MINDY4: variants seen among roughly 807,000 people sequenced by gnomAD.
MINDY4 encodes MINDY lysine 48 deubiquitinase 4.
In MINDY4, 68 loss-of-function variants were observed where a neutral mutation model predicts 87.0. The ratio of observed to expected loss-of-function variants is 0.78; its 90% CI spans 0.64 to 0.96. The LOEUF (loss-of-function observed/expected upper bound fraction) is 0.96. Ranked by LOEUF, MINDY4 falls within the 40% of genes least tolerant of loss-of-function variation. The pLI is 0.00. For missense variants in MINDY4, 919 were observed against 928.2 expected (o/e 0.99, Z 0.13); for synonymous variants, 379 against 363.2 (o/e 1.04, Z -0.50).
At chr7:30,841,253 G>T (rs1040551289) in intron 9 of MINDY4, among the ~76,000 whole-genome samples, 1 of 152,090 alleles carries the variant, frequency 6.6e-6, no homozygotes, top group African/African-American at 2.4e-5. Context: ...ATTCCAGGCC[G>T]CCCCACAGAT....
chr7:30,782,024 C>G lies in MINDY4; in HGVS notation c.231C>G (p.Tyr77Ter). 2 of 1,614,086 alleles carry G rather than the reference C, an allele frequency of 1.2e-6. No homozygotes were observed. Among genetic ancestry groups the G allele is most frequent in the Non-Finnish European group, 1.7e-6 (2 of 1,180,006 alleles). The change falls in exon 3 of 18, where the codon TAC (tyrosine) becomes TAG (stop). Residue 77 changes from tyrosine to a stop codon, truncating the protein, a stop_gained. Transcript: ENST00000265299. LOFTEE classifies it high-confidence loss of function. ...LKTSLELITR[Y>*]FLDHFGNTAN... Reference sequence around the variant, plus strand: ...CAAGCCTTGAACTCATCACCAGATACTTTCTGGATCACTTTGGAAATACGG... The same window carrying G: ...CAAGCCTTGAACTCATCACCAGATAGTTTCTGGATCACTTTGGAAATACGG...
intron 13 of MINDY4, among the ~76,000 whole-genome samples, chr7:30,864,317 T>C (rs1789862539): frequency 6.6e-6 from 1 of 152,236 alleles, no homozygotes; most frequent in Admixed American, 6.5e-5. Context: ...AATAGTTGAT[T>C]CCTTTGTGCA....
At chr7:30,775,281 AG>A (rs1180214824) in intron 1 of MINDY4, among the ~76,000 whole-genome samples, 3 of 152,166 alleles carry the variant, frequency 2.0e-5, no homozygotes, top group African/African-American at 7.2e-5. Context: ...CTATAAATTG[AG>A]GGTTCCCACA....
At chr7:30,811,861 T>A (rs1584265292) in intron 5 of MINDY4, among the ~76,000 whole-genome samples, 1 of 152,292 alleles carries the variant, frequency 6.6e-6, no homozygotes, top group East Asian at 1.9e-4. Flanking sequence ...GGACAGGAAT[T>A]GCTCACTTGG....
chr7:30,877,948 A>T (rs372834606), intron 15 of MINDY4, among the ~76,000 whole-genome samples: 42 of 144,100 alleles, frequency 2.9e-4, no homozygotes, highest in African/African-American at 9.7e-4. Flanking sequence ...ACAAAGTGCT[A>T]GGGTTACAGG....
At chr7:30,890,735 C>T (rs1032264023) in intron 17 of MINDY4, among the ~76,000 whole-genome samples, 3 of 151,986 alleles carry the variant, frequency 2.0e-5, no homozygotes. Flanking sequence ...GACAAAGAGC[C>T]GAAGCCTAGG....
chr7:30,802,377 A>C (rs1349165799), intron 5 of MINDY4, among the ~76,000 whole-genome samples: 1 of 151,744 alleles, frequency 6.6e-6, no homozygotes, highest in African/African-American at 2.4e-5. Flanking sequence ...TGATTATCTC[A>C]CCCTAATCCT....
At chr7:30,884,175 C>G (rs527300606) in intron 17 of MINDY4, among the ~76,000 whole-genome samples, 1 of 152,242 alleles carries the variant, frequency 6.6e-6, no homozygotes, top group South Asian at 2.1e-4. Flanking sequence ...TGATGCCCAC[C>G]ACAGGAAAGC....
intron 1 of MINDY4, among the ~76,000 whole-genome samples, chr7:30,774,449 A>G (rs1419191651): frequency 3.3e-5 from 5 of 152,076 alleles, no homozygotes; most frequent in African/African-American, 7.3e-5. Flanking sequence ...CTATCAGCAC[A>G]TGTTGTGCTC....
chr7:30,891,008 T>G (rs943381009), intron 17 of MINDY4, among the ~76,000 whole-genome samples: 1 of 152,130 alleles, frequency 6.6e-6, no homozygotes, highest in Non-Finnish European at 1.5e-5. Context: ...GGCAGTTAGA[T>G]TTTCTTCAGA....
At chr7:30,870,460 T>C (rs896577932) in intron 13 of MINDY4, among the ~76,000 whole-genome samples, 2 of 152,248 alleles carry the variant, frequency 1.3e-5, no homozygotes, top group Non-Finnish European at 2.9e-5. Flanking sequence ...CCAGGCCTGC[T>C]GGGCTGTCTG....
Position 30,892,279 on chromosome 7 carries a change from C to A in MINDY4, c.*274C>A. 1 of 460,658 alleles carries A rather than the reference C, an allele frequency of 2.2e-6. No homozygotes were observed. The highest frequency in any genetic ancestry group is 3.9e-6 in the Non-Finnish European group (1 of 257,320). 28.5% of individuals were successfully genotyped at this position (460,658 alleles called of 1,614,324 possible). On this transcript the variant is annotated 3_prime_UTR_variant, in exon 18 of 18. Coordinates refer to ENST00000265299, the MANE Select transcript of MINDY4 (RefSeq NM_032222.3). Reference sequence around the variant, plus strand: ...GGTCTCTGCTACCTTTGTCTGCATCCCTCCCTTGCTCCCTGCTGGGTGGTC... The same window carrying A: ...GGTCTCTGCTACCTTTGTCTGCATCACTCCCTTGCTCCCTGCTGGGTGGTC...
At chr7:30,861,300 C>T (rs539181723) in intron 13 of MINDY4, among the ~76,000 whole-genome samples, 5 of 152,350 alleles carry the variant, frequency 3.3e-5, no homozygotes, top group African/African-American at 1.2e-4. Context: ...GTAAGGATAG[C>T]GTCTGTGAAG....
chr7:30,854,509 G>A (rs1406017198), intron 12 of MINDY4, among the ~76,000 whole-genome samples: 2 of 151,792 alleles, frequency 1.3e-5, no homozygotes, highest in African/African-American at 4.8e-5. Flanking sequence ...CCCCCACTAC[G>A]AAGCAGAGGA....
chr7:30,836,787 G>A (rs191702079), intron 7 of MINDY4, 23 bp downstream of exon 7: 2 of 1,568,712 alleles, frequency 1.3e-6, no homozygotes, highest in Non-Finnish European at 1.8e-6. Flanking sequence ...AGACTCCTGG[G>A]TTAAATGTGT....
chr7:30,872,180 C>G, intron 13 of MINDY4, 63 bp from the exon 14 acceptor site: 1 of 1,514,820 alleles, frequency 6.6e-7, no homozygotes, highest in South Asian at 1.1e-5. Context: ...GCCTGGTCAC[C>G]TAGCGAGGTT....
chr7:30,863,836 T>C (rs1341065421), intron 13 of MINDY4, among the ~76,000 whole-genome samples: 1 of 152,222 alleles, frequency 6.6e-6, no homozygotes, highest in Non-Finnish European at 1.5e-5. Flanking sequence ...AGATCTCGAA[T>C]TGCTTCCGGT....
At position 30,875,805 on chromosome 7, in the gene MINDY4, T is replaced by A. The variant is rs1037786468; in HGVS notation, c.1971+149T>A. On this transcript the variant is annotated intron_variant, in intron 15 of 17. Coordinates refer to ENST00000265299, the MANE Select transcript of MINDY4 (RefSeq NM_032222.3). The stretch of plus-strand genomic sequence containing the variant: ...GAATCACAGAGGGCTTGGGAAGAAG[T>A]ACAGCTTCTCTGCTGTGGCTACAGG... The A allele has an allele frequency of 3.0e-5, 25 of 845,956 alleles. 1 individual carries two copies. The highest frequency in any genetic ancestry group is 4.1e-5 in the Non-Finnish European group (23 of 554,268). 52.4% of individuals were successfully genotyped at this position (845,956 alleles called of 1,614,324 possible). A position where few individuals can be genotyped will look rare whatever the true frequency, so the allele number is the denominator to read the frequency against.
At chr7:30,881,231 A>G (rs1476469770) in intron 15 of MINDY4, among the ~76,000 whole-genome samples, 2 of 152,186 alleles carry the variant, frequency 1.3e-5, no homozygotes, top group East Asian at 1.9e-4. Flanking sequence ...GAGGCCAGGC[A>G]TTCAGGGGCT....
Sources: gnomAD v4.1 joint callset for allele counts (sites outside exome capture counted in the v4.1 genomes callset) on GRCh38, gnomAD v4.1.1 for gene constraint, MANE v1.5 for transcripts, NCBI Gene and HGNC (gene_info 2026-07-23, HGNC 2026-07-21) for gene names.